Variants in COL4A5 observed in about 807,000 individuals in gnomAD.
COL4A5 encodes collagen type IV alpha 5 chain.
In COL4A5, 26 loss-of-function variants were observed where a neutral mutation model predicts 130.2. That is an observed-to-expected ratio of 0.20 (90% CI 0.15 to 0.28). The LOEUF is 0.28. COL4A5 is among the 10% of genes least tolerant of loss of function. The pLI is 1.00. For synonymous variants in COL4A5, 496 were observed against 439.6 expected (o/e 1.13, Z -1.60); for missense variants, 1,131 against 1,344.3 (o/e 0.84, Z 2.48).
At chrX:108,645,382 G>A (rs1413857554) in intron 36 of COL4A5, among the ~76,000 whole-genome samples, 1 of 111,130 alleles carries the variant, frequency 9.0e-6, no homozygotes, top group Non-Finnish European at 1.9e-5. Context: ...AATGACACAG[G>A]AGATATTACA....
intron 1 of COL4A5, among the ~76,000 whole-genome samples, chrX:108,520,544 T>A (rs762125940): frequency 9.0e-6 from 1 of 111,348 alleles, no homozygotes; most frequent in South Asian, 3.7e-4. Context: ...TTTATTTCAA[T>A]TTATTTTAAT....
chrX:108,464,741 G>T (rs2064687120), intron 1 of COL4A5, among the ~76,000 whole-genome samples: 1 of 111,794 alleles, frequency 8.9e-6, no homozygotes, highest in Non-Finnish European at 1.9e-5. Flanking sequence ...AAATTTAAGG[G>T]AACAAGTGAA....
chrX:108,613,717 T>C (rs2066877099), intron 29 of COL4A5, among the ~76,000 whole-genome samples: 1 of 111,636 alleles, frequency 9.0e-6, no homozygotes, highest in Admixed American at 9.5e-5. Context: ...GAAATGCAAG[T>C]TAAAACCACA....
At position 108,667,743 on chromosome X, in the gene COL4A5, A is replaced by C. The variant is rs569365129; in HGVS notation, c.3604+560A>C. Among the ~76,000 whole-genome samples the C allele has an allele frequency of 7.2e-5, 8 of 110,785 alleles. No homozygotes were observed. The South Asian group carries it at 2.3e-3, about 32-fold the overall frequency. ...TCAAACCATACACATATCTCCTGTA[A>C]AGTCAAATAGATATCCTTCCCATGA... On this transcript the variant is annotated intron_variant, in intron 40 of 52. Coordinates refer to ENST00000328300, the MANE Select transcript of COL4A5 (RefSeq NM_033380.3).
chrX:108,517,821 C>T (rs1274187484), intron 1 of COL4A5, among the ~76,000 whole-genome samples: 1 of 111,302 alleles, frequency 9.0e-6, no homozygotes, highest in Admixed American at 9.5e-5. Context: ...ATTTGCCTTA[C>T]CATCAGTTTT....
chrX:108,688,407 G>C (rs1323425385), intron 49 of COL4A5, among the ~76,000 whole-genome samples: 1 of 109,926 alleles, frequency 9.1e-6, no homozygotes, highest in Non-Finnish European at 1.9e-5. Context: ...GTCTTACCTG[G>C]GGCTGCATTT....
At chrX:108,522,504 G>T (rs1009960860) in intron 1 of COL4A5, among the ~76,000 whole-genome samples, 1 of 101,189 alleles carries the variant, frequency 9.9e-6, no homozygotes, top group Non-Finnish European at 2.0e-5. Flanking sequence ...TTTCATTGTG[G>T]TTTTGATTTT....
intron 30 of COL4A5, among the ~76,000 whole-genome samples, chrX:108,616,142 A>G (rs1012143274): frequency 8.9e-6 from 1 of 111,788 alleles, no homozygotes; most frequent in African/African-American, 3.2e-5. Flanking sequence ...CACTTATGGA[A>G]AAAACATTCT....
chrX:108,666,413 T>C, intron 38 of COL4A5, 83 bp from the exon 39 acceptor site: 1 of 686,539 alleles, frequency 1.5e-6, no homozygotes, highest in Non-Finnish European at 2.3e-6. Flanking sequence ...TTGTTTCTTT[T>C]GGATAAAGAA....
intron 30 of COL4A5, among the ~76,000 whole-genome samples, chrX:108,616,737 A>G (rs770309031): frequency 9.0e-6 from 1 of 111,136 alleles, no homozygotes; most frequent in South Asian, 3.8e-4. Context: ...GCTTTTTCAG[A>G]TTTACCTGAT....
At chrX:108,685,405 A>G (rs2068524412) in intron 47 of COL4A5, among the ~76,000 whole-genome samples, 1 of 112,411 alleles carries the variant, frequency 8.9e-6, no homozygotes, top group Admixed American at 9.4e-5. Flanking sequence ...CTCTTAGACT[A>G]TGTCAGGTTA....
chrX:108,460,119 T>C (rs1206088207), intron 1 of COL4A5, among the ~76,000 whole-genome samples: 3 of 111,778 alleles, frequency 2.7e-5, no homozygotes, highest in Non-Finnish European at 3.8e-5. Flanking sequence ...TTAATTTAGT[T>C]TCAGGAAGGC....
At position 108,471,990 on chromosome X, in the gene COL4A5, G is replaced by A. The variant is rs12395432; in HGVS notation, c.81+31784G>A. Among the ~76,000 whole-genome samples, 506 of 110,636 alleles carry A rather than the reference G, an allele frequency of 4.6e-3. 6 individuals are homozygous for A. The highest frequency in any genetic ancestry group is 0.015 in the African/African-American group (452 of 30,477). ...GCATCGACTACTATAAATTTTCCTC[G>A]TTACAATTTCCTTCACTACATCCCA... On this transcript the variant is annotated intron_variant, in intron 1 of 52. Transcript: ENST00000328300.
chrX:108,446,639 TTAAA>T (rs2064455065), intron 1 of COL4A5, among the ~76,000 whole-genome samples: 1 of 111,943 alleles, frequency 8.9e-6, no homozygotes. Flanking sequence ...CCCACATTGG[TTAAA>T]TAACTTGCCA....
intron 4 of COL4A5, among the ~76,000 whole-genome samples, chrX:108,564,799 T>C (rs766788757): frequency 3.4e-4 from 38 of 111,713 alleles, no homozygotes; most frequent in African/African-American, 1.1e-3. Flanking sequence ...AGATAACCAT[T>C]TGATCATCAG....
chrX:108,663,412 C>G (rs918280172), intron 37 of COL4A5, among the ~76,000 whole-genome samples: 1 of 111,723 alleles, frequency 9.0e-6, no homozygotes, highest in Non-Finnish European at 1.9e-5. Context: ...AGAGATAGAT[C>G]ATACTTATGG....
chrX:108,537,536 A>T (rs1360900222), intron 1 of COL4A5, among the ~76,000 whole-genome samples: 1 of 111,658 alleles, frequency 9.0e-6, no homozygotes, highest in Non-Finnish European at 1.9e-5. Context: ...TCAAAATGCA[A>T]TTATAAAGAA....
At chrX:108,589,085 T>A (rs1474856648) in intron 19 of COL4A5, among the ~76,000 whole-genome samples, 1 of 111,839 alleles carries the variant, frequency 8.9e-6, no homozygotes, top group East Asian at 2.8e-4. Flanking sequence ...GGTTATTTTT[T>A]AAAAAGGTGT....
chrX:108,672,734 CTAAT>C (rs771140888), intron 42 of COL4A5, among the ~76,000 whole-genome samples: 1 of 111,808 alleles, frequency 8.9e-6, no homozygotes, highest in South Asian at 3.7e-4. Context: ...GTTTTCCTTG[CTAAT>C]TACTCAGGCT....
Sources: gnomAD v4.1 joint callset for allele counts (sites outside exome capture counted in the v4.1 genomes callset) on GRCh38, gnomAD v4.1.1 for gene constraint, MANE v1.5 for transcripts, NCBI Gene and HGNC (gene_info 2026-07-23, HGNC 2026-07-21) for gene names.